The following KIF13A variants were observed in gnomAD, a reference collection of about 807,000 sequenced individuals.
KIF13A encodes kinesin family member 13A, also known as kinesin-like protein KIF13A.
In KIF13A, 79 loss-of-function variants were observed where a neutral mutation model predicts 212.2. That is an observed-to-expected ratio of 0.37 (90% CI 0.31 to 0.45). The LOEUF (loss-of-function observed/expected upper bound fraction) is 0.45. KIF13A is among the 20% of genes least tolerant of loss of function. The probability of loss-of-function intolerance (pLI) is 1.00; values close to 1 mark genes in which losing one functional copy is unlikely to be tolerated. For missense variants in KIF13A, 1,901 were observed against 2,209.0 expected (o/e 0.86, Z 2.79); for synonymous variants, 789 against 808.6 (o/e 0.98, Z 0.41).
chr6:17,819,516 C>T (rs928051904), intron 16 of KIF13A, among the ~76,000 whole-genome samples: 2 of 151,862 alleles, frequency 1.3e-5, no homozygotes, highest in Non-Finnish European at 2.9e-5. Flanking sequence ...GAGCTGAGAT[C>T]GTGCCACTGC....
chr6:17,950,326 A>T, intron 2 of KIF13A: 1 of 824,442 alleles, frequency 1.2e-6, no homozygotes, highest in East Asian at 1.2e-4. Flanking sequence ...ACCAGAAGGG[A>T]TTTAAACAAA....
intron 4 of KIF13A, among the ~76,000 whole-genome samples, chr6:17,866,829 A>G (rs1275442087): frequency 0.015 from 25 of 1,682 alleles, no homozygotes; most frequent in Non-Finnish European, 0.03. Context: ...AAAGCAGCGC[A>G]TATATATATA....
At position 17,959,977 on chromosome 6, in the gene KIF13A, G is replaced by A. The variant is rs1304874867; in HGVS notation, c.146+27077C>T. 3.3e-5 allele frequency among the ~76,000 whole-genome samples: 5 copies of A among 151,332 alleles called. No individual in the cohort carries two copies. The South Asian group carries it at 6.2e-4, about 19-fold the overall frequency. ...GCGGAGGTTGTGGTGAGCCGAGATCGCGCCATTCCACTCAAGCCTGGGCAA... is the reference window on the plus strand; with the variant it reads ...GCGGAGGTTGTGGTGAGCCGAGATCACGCCATTCCACTCAAGCCTGGGCAA... On this transcript the variant is annotated intron_variant, in intron 2 of 38. Coordinates refer to ENST00000259711, the MANE Select transcript of KIF13A (RefSeq NM_022113.6).
intron 2 of KIF13A, among the ~76,000 whole-genome samples, chr6:17,925,339 T>C (rs2150527226): frequency 6.6e-6 from 1 of 152,296 alleles, no homozygotes; most frequent in East Asian, 1.9e-4. Flanking sequence ...AGGGTTGCCT[T>C]TGACTGAAAT....
chr6:17,893,143 G>A (rs1772221810), intron 3 of KIF13A, among the ~76,000 whole-genome samples: 2 of 152,216 alleles, frequency 1.3e-5, no homozygotes, highest in Admixed American at 1.3e-4. Context: ...ATTTACTGGT[G>A]CTGGGGAAAA....
intron 3 of KIF13A, among the ~76,000 whole-genome samples, chr6:17,896,401 TTACA>T (rs1772569606): frequency 6.6e-6 from 1 of 152,190 alleles, no homozygotes; most frequent in African/African-American, 2.4e-5. Context: ...AATTTTATTC[TTACA>T]TAATCATCAT....
chr6:17,946,076 T>C (rs1395951066), intron 2 of KIF13A, among the ~76,000 whole-genome samples: 10 of 152,204 alleles, frequency 6.6e-5, no homozygotes, highest in Non-Finnish European at 8.8e-5. Flanking sequence ...AGAGTATTTG[T>C]ATGCGCTTAG....
chr6:17,983,398 T>C (rs1026918615), intron 2 of KIF13A, among the ~76,000 whole-genome samples: 1 of 151,798 alleles, frequency 6.6e-6, no homozygotes, highest in Non-Finnish European at 1.5e-5. Flanking sequence ...TCACCCTTTT[T>C]AGCAAGTTAG....
intron 4 of KIF13A, among the ~76,000 whole-genome samples, chr6:17,860,678 A>G (rs1002760097): frequency 1.2e-4 from 19 of 152,040 alleles, no homozygotes; most frequent in African/African-American, 4.3e-4. Flanking sequence ...ATAAGTTATC[A>G]GAAGACTGTT....
chr6:17,882,634 T>C (rs1771177663), intron 3 of KIF13A, among the ~76,000 whole-genome samples: 1 of 151,928 alleles, frequency 6.6e-6, no homozygotes, highest in African/African-American at 2.4e-5. Flanking sequence ...TGATCTCAGC[T>C]CAGCACAACC....
At chr6:17,880,627 C>CA (rs34817140) in intron 3 of KIF13A, among the ~76,000 whole-genome samples, 3,176 of 68,632 alleles carry the variant, frequency 0.046, 84 homozygotes, top group South Asian at 0.11. Flanking sequence ...GACTCTGTCT[C>CA]AAAAAAAAAA....
Position 17,851,989 on chromosome 6 carries a change from T to C in KIF13A, c.548A>G (p.Asp183Gly). The change falls in exon 7 of 39, where the codon GAT becomes GGT. Residue 183 changes from aspartate (D) to glycine (G), a missense_variant. Physicochemically the swap from Asp to Gly is moderately conservative, Grantham distance 94. Transcript: ENST00000259711. ...AGTGACAGCTAGTTGAGATAAACCA[T>C]CTACATATGGTCCCAAAACTTTATG... ...REHKVLGPYV[D>G]GLSQLAVTSF... 6.4e-7 allele frequency: 1 copy of C among 1,557,186 alleles called. No homozygotes were observed. Among genetic ancestry groups the C allele is most frequent in the Non-Finnish European group, 8.7e-7 (1 of 1,155,466 alleles).
chr6:17,807,514 C>T (rs766963644), intron 18 of KIF13A, among the ~76,000 whole-genome samples: 9 of 150,792 alleles, frequency 6.0e-5, no homozygotes, highest in Admixed American at 1.3e-4. Context: ...TCTCTGCTCT[C>T]GAACCCTGTT....
chr6:17,873,472 T>A (rs1178975115), intron 3 of KIF13A, 35 bp from the exon 4 acceptor site: 3 of 1,394,374 alleles, frequency 2.2e-6, no homozygotes, highest in Non-Finnish European at 3.0e-6. Context: ...ACTTAAAGAT[T>A]AATTAACTTC....
intron 2 of KIF13A, among the ~76,000 whole-genome samples, chr6:17,930,967 C>A (rs1460853580): frequency 6.6e-6 from 1 of 152,218 alleles, no homozygotes; most frequent in Non-Finnish European, 1.5e-5. Context: ...CCGGCAGGTT[C>A]ATTTTTGATT....
intron 2 of KIF13A, among the ~76,000 whole-genome samples, chr6:17,929,400 G>A (rs1016555092): frequency 6.0e-5 from 7 of 116,010 alleles, no homozygotes; most frequent in African/African-American, 1.6e-4. Flanking sequence ...CAGCACTCTC[G>A]ACTATTTTTT....
Position 17,968,412 on chromosome 6 carries a change from T to C in KIF13A, c.146+18642A>G, listed in dbSNP as rs528256775. 8.5e-5 allele frequency among the ~76,000 whole-genome samples: 13 copies of C among 152,296 alleles called. No individual in the cohort carries two copies. Among genetic ancestry groups the C allele is most frequent in the Admixed American group, 7.2e-4 (11 of 15,300 alleles). On this transcript the variant is annotated intron_variant, in intron 2 of 38. Transcript: ENST00000259711. The surrounding 1 kb of genome is among the most constrained non-coding windows in gnomAD (Gnocchi z 4.7). ...AGGAGGAACAGCTTCTCATGCTGACTCACAAGAATGCCCAACTACATCAGG... is the reference window on the plus strand; with the variant it reads ...AGGAGGAACAGCTTCTCATGCTGACCCACAAGAATGCCCAACTACATCAGG...
Position 17,968,774 on chromosome 6 carries a change from C to A in KIF13A, c.146+18280G>T, listed in dbSNP as rs1561817353. Among the ~76,000 whole-genome samples the A allele has an allele frequency of 1.3e-5, 2 of 152,104 alleles. No individual in the cohort carries two copies. Among genetic ancestry groups the A allele is most frequent in the Non-Finnish European group, 2.9e-5 (2 of 68,026 alleles). ...CAGAGCTACATTTGTACTGCCATTA[C>A]CCCCAAAAGCCACATGACAGCACAA... On this transcript the variant is annotated intron_variant, in intron 2 of 38. Coordinates refer to ENST00000259711, the MANE Select transcript of KIF13A (RefSeq NM_022113.6). The surrounding 1 kb of genome is among the most constrained non-coding windows in gnomAD (Gnocchi z 4.7).
At chr6:17,767,492 C>A (rs540982187) in intron 38 of KIF13A, among the ~76,000 whole-genome samples, 2 of 151,662 alleles carry the variant, frequency 1.3e-5, no homozygotes, top group African/African-American at 2.4e-5. Context: ...TGACCTCAGG[C>A]GATCTGCCCG....
Sources: gnomAD v4.1 joint callset for allele counts (sites outside exome capture counted in the v4.1 genomes callset) on GRCh38, gnomAD v4.1.1 for gene constraint, Gnocchi (gnomAD v3.1) non-coding constraint, MANE v1.5 for transcripts, NCBI Gene and HGNC (gene_info 2026-07-23, HGNC 2026-07-21) for gene names.